The following CDH4 variants were observed in gnomAD, a reference collection of about 807,000 sequenced individuals.
CDH4 encodes cadherin-4.
CDH4 carries 33 observed loss-of-function variants against 86.0 expected under a neutral mutation model. That is an observed-to-expected ratio of 0.38 (90% CI 0.29 to 0.51). CDH4 has a LOEUF of 0.51. CDH4 is among the 20% of genes least tolerant of loss of function. The pLI, the probability that CDH4 is intolerant of heterozygous loss-of-function variation, is 0.86. For missense variants in CDH4, 1,114 were observed against 1,307.4 expected (o/e 0.85, Z 2.28); for synonymous variants, 555 against 549.4 (o/e 1.01, Z -0.14).
chr20:61,868,051 G>A (rs1983625824), intron 6 of CDH4, among the ~76,000 whole-genome samples: 1 of 152,232 alleles, frequency 6.6e-6, no homozygotes, highest in Non-Finnish European at 1.5e-5. Context: ...GCAGAGACTT[G>A]GACCCCTGAT....
intron 9 of CDH4, among the ~76,000 whole-genome samples, chr20:61,915,796 C>G (rs1699308884): frequency 1.3e-5 from 2 of 152,176 alleles, no homozygotes; most frequent in South Asian, 4.1e-4. Context: ...ACGGGACTCT[C>G]CTGCACCTTG....
chr20:61,540,015 C>T (rs960253912), intron 2 of CDH4, among the ~76,000 whole-genome samples: 1 of 152,224 alleles, frequency 6.6e-6, no homozygotes, highest in Non-Finnish European at 1.5e-5. Flanking sequence ...AGAGCAGCCT[C>T]ACCTGGGAGG....
At chr20:61,259,261 A>G (rs887874427) in intron 2 of CDH4, among the ~76,000 whole-genome samples, 2 of 152,220 alleles carry the variant, frequency 1.3e-5, no homozygotes, top group African/African-American at 4.8e-5. Flanking sequence ...AGAATCTGCC[A>G]TTTCTGCCAC....
intron 6 of CDH4, among the ~76,000 whole-genome samples, chr20:61,867,920 G>C (rs142044801): frequency 6.6e-6 from 1 of 152,196 alleles, no homozygotes; most frequent in South Asian, 2.1e-4. Flanking sequence ...ATCTCAGAAC[G>C]TCCAGGCTCT....
rs1283012363 is a variant in CDH4 at position 61,544,965 on chromosome 20, CTAG to C, written c.170-198597_170-198595del. 6.6e-6 allele frequency among the ~76,000 whole-genome samples: 1 copy of C among 152,162 alleles called. No individual in the cohort carries two copies. Among genetic ancestry groups the C allele is most frequent in the Non-Finnish European group, 1.5e-5 (1 of 68,028 alleles). On this transcript the variant is annotated intron_variant, in intron 2 of 15. Coordinates refer to ENST00000614565, the MANE Select transcript of CDH4 (RefSeq NM_001794.5). The surrounding 1 kb of genome is among the most constrained non-coding windows in gnomAD (Gnocchi z 6.5). ...ATATCCAGGTAGACAAGTAGGGTGA[CTAG>C]CAAATGACCCTTGAGCAGCCCTACT...
chr20:61,504,352 T>C (rs901786099), intron 2 of CDH4, among the ~76,000 whole-genome samples: 1 of 152,212 alleles, frequency 6.6e-6, no homozygotes, highest in Non-Finnish European at 1.5e-5. Flanking sequence ...ATTGTGGTTT[T>C]TTTCTCACTG....
intron 2 of CDH4, among the ~76,000 whole-genome samples, chr20:61,607,742 T>C (rs769925538): frequency 6.6e-6 from 1 of 152,210 alleles, no homozygotes; most frequent in Non-Finnish European, 1.5e-5. Context: ...CTGGTTTAGC[T>C]CCTGCCCAAG....
chr20:61,755,638 C>T (rs2088555618), intron 3 of CDH4, among the ~76,000 whole-genome samples: 1 of 151,438 alleles, frequency 6.6e-6, no homozygotes, highest in Non-Finnish European at 1.5e-5. Context: ...GCCCCACACA[C>T]CACACACACG....
Position 61,480,639 on chromosome 20 carries a change from G to A in CDH4, c.169+225702G>A, listed in dbSNP as rs1475587856. On this transcript the variant is annotated intron_variant, in intron 2 of 15. Transcript: ENST00000614565. The surrounding 1 kb of genome is among the most constrained non-coding windows in gnomAD (Gnocchi z 5.2). ...GGTGTGGAGGTGTGGGGAGGGCGGG[G>A]CTGAGCCAGGGCAGGTGAGCATCTC... Among the ~76,000 whole-genome samples the A allele has an allele frequency of 6.6e-6, 1 of 152,200 alleles. No homozygotes were observed.
chr20:61,387,800 A>G (rs2084960311), intron 2 of CDH4, among the ~76,000 whole-genome samples: 1 of 152,138 alleles, frequency 6.6e-6, no homozygotes, highest in African/African-American at 2.4e-5. Context: ...AGCACCAGAC[A>G]AGCCCGCACC....
At chr20:61,293,028 G>A (rs1052993089) in intron 2 of CDH4, among the ~76,000 whole-genome samples, 1 of 152,190 alleles carries the variant, frequency 6.6e-6, no homozygotes, top group African/African-American at 2.4e-5. Flanking sequence ...GTGGCTGGGT[G>A]TGGTCCCCAC....
chr20:61,915,283 C>A (rs369149938), intron 9 of CDH4, among the ~76,000 whole-genome samples: 100 of 152,366 alleles, frequency 6.6e-4, no homozygotes, highest in Non-Finnish European at 1.3e-3. Context: ...CAACGTTCCA[C>A]AGGTTTGAGG....
chr20:61,933,139 C>T lies in CDH4; in HGVS notation c.2379+15C>T, dbSNP rs142208243. On this transcript the variant is annotated intron_variant, in intron 14 of 15. Transcript: ENST00000614565. ...AGGAGGACCAGGTGAGACTGCGGCC[C>T]GCCCCCGCCTCCCCACGCGAGGCCG... The T allele has an allele frequency of 0.037, 58,783 of 1,609,112 alleles. 1,292 individuals carry two copies. The highest frequency in any genetic ancestry group is 0.057 in the Middle Eastern group (337 of 5,864).
rs578232169 is a variant in CDH4, at chr20:61,610,988, A to G, written c.170-132575A>G. On this transcript the variant is annotated intron_variant, in intron 2 of 15. Transcript: ENST00000614565. ...AGACCGTCTGGTGGCCCAGACGGCCATGCCTCCCAGCAGGTCTCTGCACAG... is the reference window on the plus strand; with the variant it reads ...AGACCGTCTGGTGGCCCAGACGGCCGTGCCTCCCAGCAGGTCTCTGCACAG... Among the ~76,000 whole-genome samples, 465 of 152,112 alleles carry G rather than the reference A, an allele frequency of 3.1e-3. 5 individuals carry two copies. Among genetic ancestry groups the G allele is most frequent in the Admixed American group, 5.1e-3 (78 of 15,298 alleles).
At chr20:61,745,062 A>G (rs972492196) in intron 3 of CDH4, among the ~76,000 whole-genome samples, 2 of 152,210 alleles carry the variant, frequency 1.3e-5, no homozygotes, top group Non-Finnish European at 2.9e-5. Context: ...CCCAGTTAAC[A>G]TGAGGCCTCT....
At position 61,939,945 on chromosome 20, in the gene CDH4, C is replaced by T. The variant is rs2055243582; in HGVS notation, c.*3002C>T. ...GCCACCAACGTGTCAGAGCAATGTC[C>T]AACTGTCAGGCTCTCAGAGATGCCT... On this transcript the variant is annotated 3_prime_UTR_variant, in exon 16 of 16. Transcript: ENST00000614565. The T allele has an allele frequency of 6.6e-6, 1 of 152,234 alleles. No homozygotes were observed. Among genetic ancestry groups the T allele is most frequent in the South Asian group, 2.1e-4 (1 of 4,838 alleles). The allele number at this position is 152,234 out of a possible 1,614,324, so 9.4% of individuals were successfully genotyped here. A position where few individuals can be genotyped will look rare whatever the true frequency, so the allele number is the denominator to read the frequency against.
intron 6 of CDH4, among the ~76,000 whole-genome samples, chr20:61,863,558 A>G (rs1008361512): frequency 3.3e-5 from 5 of 152,258 alleles, no homozygotes; most frequent in East Asian, 1.9e-4. Context: ...CAGGATTTAC[A>G]GCCTCTGTGG....
At chr20:61,640,911 TG>T (rs1339561515) in intron 2 of CDH4, among the ~76,000 whole-genome samples, 4 of 152,080 alleles carry the variant, frequency 2.6e-5, no homozygotes, top group African/African-American at 7.2e-5. Flanking sequence ...AGCTCTGAGA[TG>T]GGGGAAGCGA....
At chr20:61,523,365 C>T (rs560905506) in intron 2 of CDH4, among the ~76,000 whole-genome samples, 15 of 152,254 alleles carry the variant, frequency 9.9e-5, no homozygotes, top group Non-Finnish European at 2.2e-4. Flanking sequence ...CATGCGTTTG[C>T]CACGTGTGAT....
Sources: gnomAD v4.1 joint callset for allele counts (sites outside exome capture counted in the v4.1 genomes callset) on GRCh38, gnomAD v4.1.1 for gene constraint, Gnocchi (gnomAD v3.1) non-coding constraint, MANE v1.5 for transcripts, NCBI Gene and HGNC (gene_info 2026-07-23, HGNC 2026-07-21) for gene names.